Variants in RTN1 observed in about 807,000 individuals in gnomAD.
The protein encoded by RTN1 is reticulon-1.
A neutral mutation model predicts 65.5 loss-of-function variants in RTN1; 25 were observed. The observed-to-expected ratio is 0.38, with a 90% CI of 0.28 to 0.53. The LOEUF is 0.53. Among genes scored for constraint, RTN1 ranks in the 20% least tolerant of loss-of-function variants. The probability of loss-of-function intolerance (pLI) is 0.79; values close to 1 mark genes in which losing one functional copy is unlikely to be tolerated. For missense variants in RTN1, 983 were observed against 1,025.4 expected (o/e 0.96, Z 0.57); for synonymous variants, 471 against 447.6 (o/e 1.05, Z -0.66).
intron 3 of RTN1, among the ~76,000 whole-genome samples, chr14:59,679,587 T>A (rs1214899195): frequency 6.6e-6 from 1 of 152,226 alleles, no homozygotes; most frequent in African/African-American, 2.4e-5. Context: ...ACAGGTGTTA[T>A]ATTAGTAATC....
chr14:59,645,175 A>C (rs1350912299), intron 3 of RTN1, among the ~76,000 whole-genome samples: 1 of 150,272 alleles, frequency 6.7e-6, no homozygotes, highest in East Asian at 2.0e-4. Context: ...TACCCTCGCC[A>C]GTATGTTCAA....
chr14:59,599,659 C>T (rs1199154224), intron 8 of RTN1, among the ~76,000 whole-genome samples: 1 of 152,200 alleles, frequency 6.6e-6, no homozygotes, highest in Non-Finnish European at 1.5e-5. Context: ...AGAATACTCA[C>T]TGGCTAGGGA....
At chr14:59,749,396 A>C (rs1364779720) in intron 1 of RTN1, among the ~76,000 whole-genome samples, 2 of 70,994 alleles carry the variant, frequency 2.8e-5, no homozygotes, top group African/African-American at 2.0e-4. Context: ...ATATATATCT[A>C]TATATATCTA....
intron 1 of RTN1, among the ~76,000 whole-genome samples, chr14:59,800,647 A>G (rs943456184): frequency 1.3e-5 from 2 of 152,134 alleles, no homozygotes; most frequent in African/African-American, 4.8e-5. Flanking sequence ...TGATCTGCCC[A>G]CCTCAGCCTC....
intron 1 of RTN1, among the ~76,000 whole-genome samples, chr14:59,856,199 T>C (rs1212586732): frequency 6.6e-6 from 1 of 152,218 alleles, no homozygotes; most frequent in African/African-American, 2.4e-5. Context: ...ATTTATTTTA[T>C]ATGCAATGTC....
intron 1 of RTN1, among the ~76,000 whole-genome samples, chr14:59,866,986 G>A (rs1283026163): frequency 6.6e-6 from 1 of 152,132 alleles, no homozygotes; most frequent in African/African-American, 2.4e-5. Context: ...AATGCTTTTT[G>A]TAATTATCTT....
At chr14:59,765,293 A>G (rs1257810597) in intron 1 of RTN1, among the ~76,000 whole-genome samples, 1 of 152,184 alleles carries the variant, frequency 6.6e-6, no homozygotes, top group East Asian at 1.9e-4. Context: ...GTTCAAACAA[A>G]AGTCCTTTTG....
At chr14:59,761,279 G>A (rs552824314) in intron 1 of RTN1, among the ~76,000 whole-genome samples, 47 of 152,270 alleles carry the variant, frequency 3.1e-4, no homozygotes, top group African/African-American at 8.9e-4. Context: ...CAATCCCCAC[G>A]TGTCAAGGGC....
At chr14:59,770,917 G>A (rs564571849) in intron 1 of RTN1, among the ~76,000 whole-genome samples, 7 of 152,120 alleles carry the variant, frequency 4.6e-5, no homozygotes, top group African/African-American at 7.2e-5. Context: ...CATGGTGGCC[G>A]GTGTCTGCAA....
intron 1 of RTN1, among the ~76,000 whole-genome samples, chr14:59,860,301 A>G (rs1270894451): frequency 2.6e-5 from 4 of 152,256 alleles, no homozygotes; most frequent in African/African-American, 9.6e-5. Context: ...CAGAGGGTGC[A>G]AACCCCAAGC....
At chr14:59,630,429 T>C (rs375533273) in intron 3 of RTN1, 46 of 1,613,082 alleles carry the variant, frequency 2.9e-5, no homozygotes, top group African/African-American at 4.0e-5. Flanking sequence ...CATGCACTAC[T>C]GAAATAAAGA....
At chr14:59,620,887 C>A (rs1246110365) in intron 3 of RTN1, among the ~76,000 whole-genome samples, 1 of 152,158 alleles carries the variant, frequency 6.6e-6, no homozygotes, top group Non-Finnish European at 1.5e-5. Context: ...ATGAACAACC[C>A]TGGGGTTCAG....
intron 3 of RTN1, among the ~76,000 whole-genome samples, chr14:59,696,326 C>A (rs949133576): frequency 1.3e-5 from 2 of 152,150 alleles, no homozygotes; most frequent in African/African-American, 4.8e-5. Context: ...ACCTTGGTGT[C>A]TTCAGATTGT....
At position 59,837,984 on chromosome 14, in the gene RTN1, C is replaced by T. The variant is rs117752458; in HGVS notation, c.241+32406G>A. Among the ~76,000 whole-genome samples, 4 of 152,080 alleles carry T rather than the reference C, an allele frequency of 2.6e-5. No homozygotes were observed. The East Asian group carries it at 5.8e-4, about 22-fold the overall frequency. On this transcript the variant is annotated intron_variant, in intron 1 of 8. Transcript: ENST00000267484. ...ATTTTAGATTCAGGGGGTACATGTGCAGGTTTGTTACATGGGTATAATGCA... is the reference window on the plus strand; with the variant it reads ...ATTTTAGATTCAGGGGGTACATGTGTAGGTTTGTTACATGGGTATAATGCA...
At position 59,786,037 on chromosome 14, in the gene RTN1, A is replaced by G. The variant is rs540334873; in HGVS notation, c.242-39556T>C. 4.7e-4 allele frequency among the ~76,000 whole-genome samples: 71 copies of G among 152,304 alleles called. No homozygotes were observed. The South Asian group carries it at 0.013, about 28-fold the overall frequency. On this transcript the variant is annotated intron_variant, in intron 1 of 8. Transcript: ENST00000267484. ...GGCACATAAATTCTCTCCTCCAATC[A>G]GAAAACAGGAGGGTATAGAAAGAAG...
In RTN1 at chr14:59,596,499, T is replaced by C. The variant is rs1045373508; in HGVS notation, c.*246A>G. ...GGCTCTCACCATCATGCACTTTTTT[T>C]AGCAACACAAAATTAAAAACCACAT... On this transcript the variant is annotated 3_prime_UTR_variant, in exon 9 of 9. Coordinates refer to ENST00000267484, the MANE Select transcript of RTN1 (RefSeq NM_021136.3). 3.2e-6 allele frequency: 1 copy of C among 311,804 alleles called. No homozygotes were observed. Among genetic ancestry groups the C allele is most frequent in the African/African-American group, 2.1e-5 (1 of 46,572 alleles). 19.3% of individuals were successfully genotyped at this position (311,804 alleles called of 1,614,324 possible).
chr14:59,812,609 G>A (rs570893795), intron 1 of RTN1, among the ~76,000 whole-genome samples: 53 of 152,264 alleles, frequency 3.5e-4, no homozygotes, highest in African/African-American at 1.0e-3. Flanking sequence ...GTGTGCATGT[G>A]TGCCTTGTGT....
chr14:59,788,473 CATA>C (rs1406343905), intron 1 of RTN1, among the ~76,000 whole-genome samples: 3 of 152,122 alleles, frequency 2.0e-5, no homozygotes, highest in Admixed American at 6.6e-5. Flanking sequence ...ATGAGATAAT[CATA>C]ATATTTGTTT....
intron 3 of RTN1, among the ~76,000 whole-genome samples, chr14:59,710,540 T>C (rs907801590): frequency 1.3e-5 from 2 of 152,334 alleles, no homozygotes; most frequent in Middle Eastern, 3.4e-3. Flanking sequence ...AATAATGTCC[T>C]TGAGGTGGGC....
Sources: gnomAD v4.1 joint callset for allele counts (sites outside exome capture counted in the v4.1 genomes callset) on GRCh38, gnomAD v4.1.1 for gene constraint, MANE v1.5 for transcripts, NCBI Gene and HGNC (gene_info 2026-07-23, HGNC 2026-07-21) for gene names.